Variants in BANK1 observed in about 807,000 individuals in gnomAD.
BANK1 encodes the protein B-cell scaffold protein with ankyrin repeats.
A neutral mutation model predicts 94.5 loss-of-function variants in BANK1; 95 were observed. The ratio of observed to expected loss-of-function variants is 1.00; its 90% CI spans 0.85 to 1.19. The LOEUF (loss-of-function observed/expected upper bound fraction) is 1.19. BANK1 is among the 50% of genes most tolerant of loss of function. The probability of loss-of-function intolerance (pLI) is 0.00; values close to 1 mark genes in which losing one functional copy is unlikely to be tolerated. For synonymous variants in BANK1, 334 were observed against 308.4 expected (o/e 1.08, Z -0.87); for missense variants, 987 against 932.2 (o/e 1.06, Z -0.77).
intron 7 of BANK1, among the ~76,000 whole-genome samples, chr4:102,013,821 T>A (rs1023652262): frequency 1.3e-5 from 2 of 152,052 alleles, no homozygotes; most frequent in East Asian, 3.9e-4. Context: ...CACAATTTGG[T>A]CATATTAAAA....
chr4:101,972,822 G>A (rs573730502), intron 7 of BANK1: 4 of 152,250 alleles, frequency 2.6e-5, no homozygotes, highest in African/African-American at 9.6e-5. Context: ...CATAAAGTAG[G>A]ATTGCCAGCA....
chr4:101,963,388 A>G (rs60391723), intron 7 of BANK1, among the ~76,000 whole-genome samples: 121 of 152,278 alleles, frequency 7.9e-4, no homozygotes, highest in African/African-American at 2.8e-3. Flanking sequence ...CAAGATATTT[A>G]TCTCTCCAAT....
intron 7 of BANK1, among the ~76,000 whole-genome samples, chr4:101,932,121 T>C (rs1723371419): frequency 6.6e-6 from 1 of 151,490 alleles, no homozygotes; most frequent in Non-Finnish European, 1.5e-5. Flanking sequence ...AGATGAATGT[T>C]AAATGCCTTG....
intron 7 of BANK1, among the ~76,000 whole-genome samples, chr4:101,962,245 T>C (rs1724594907): frequency 6.6e-6 from 1 of 152,164 alleles, no homozygotes; most frequent in Non-Finnish European, 1.5e-5. Flanking sequence ...CTTCAGACTC[T>C]CCATCTTAGC....
chr4:101,888,232 A>C (rs555223554), intron 5 of BANK1, among the ~76,000 whole-genome samples: 6 of 152,376 alleles, frequency 3.9e-5, no homozygotes, highest in Middle Eastern at 3.4e-3. Flanking sequence ...TGGAAGCTAG[A>C]AAGACCAGAT....
At chr4:101,876,721 A>G (rs1412530700) in intron 5 of BANK1, among the ~76,000 whole-genome samples, 1 of 152,242 alleles carries the variant, frequency 6.6e-6, no homozygotes. Context: ...CCAGGGACTA[A>G]TCATGAAGAA....
In BANK1 at chr4:101,941,901, C is replaced by T. The variant is rs547102012; in HGVS notation, c.1206+23712C>T. 9.0e-4 allele frequency among the ~76,000 whole-genome samples: 137 copies of T among 151,946 alleles called. 1 individual carries two copies. Among genetic ancestry groups the T allele is most frequent in the African/African-American group, 3.1e-3 (130 of 41,498 alleles). Reference sequence around the variant, plus strand: ...TTTTGTTGTTTTTATTACTGACCCTCATGATGATCCACTTGTGTGGGGTAA... The same window carrying T: ...TTTTGTTGTTTTTATTACTGACCCTTATGATGATCCACTTGTGTGGGGTAA... On this transcript the variant is annotated intron_variant, in intron 7 of 16. Transcript: ENST00000322953.
rs1560608078 is a variant in BANK1 at position 101,866,637 on chromosome 4, CCA to C, written c.764-3867_764-3866del. Among the ~76,000 whole-genome samples, 16 of 49,662 alleles carry C rather than the reference CCA, an allele frequency of 3.2e-4. 4 individuals carry two copies. The highest frequency in any genetic ancestry group is 7.1e-4 in the African/African-American group (5 of 7,014). 32.6% of individuals were successfully genotyped at this position (49,662 alleles called of 152,430 possible). A position where few individuals can be genotyped will look rare whatever the true frequency, so the allele number is the denominator to read the frequency against. ...CTGTAGAGAAATGAGTATAGGAATA[CCA>C]TTTGACCCAGCCATCCCATTACTGG... On this transcript the variant is annotated intron_variant, in intron 4 of 16. Coordinates refer to ENST00000322953, the MANE Select transcript of BANK1 (RefSeq NM_017935.5).
At chr4:101,848,353 C>T (rs903644663) in intron 2 of BANK1, among the ~76,000 whole-genome samples, 2 of 152,174 alleles carry the variant, frequency 1.3e-5, no homozygotes, top group Admixed American at 1.3e-4. Flanking sequence ...TGGAGTTGCA[C>T]TCTAGTCCTG....
intron 11 of BANK1, among the ~76,000 whole-genome samples, chr4:102,053,269 A>G (rs1286101329): frequency 6.6e-6 from 1 of 152,208 alleles, no homozygotes; most frequent in Non-Finnish European, 1.5e-5. Flanking sequence ...ATGCAGATTG[A>G]GTGGGCTCAC....
chr4:102,072,481 T>C (rs1728792493), intron 15 of BANK1, 81 bp downstream of exon 15: 4 of 1,087,566 alleles, frequency 3.7e-6, no homozygotes, highest in African/African-American at 1.6e-5. Flanking sequence ...TTCTATCCTG[T>C]CTATGCTTTT....
chr4:101,876,587 C>T (rs1345870154), intron 5 of BANK1, among the ~76,000 whole-genome samples: 1 of 152,186 alleles, frequency 6.6e-6, no homozygotes, highest in Non-Finnish European at 1.5e-5. Flanking sequence ...TGGATACAAA[C>T]AAGCCCAGAT....
intron 1 of BANK1, among the ~76,000 whole-genome samples, chr4:101,806,020 G>T (rs1219679890): frequency 6.6e-6 from 1 of 151,912 alleles, no homozygotes; most frequent in Non-Finnish European, 1.5e-5. Flanking sequence ...AGTGTGATTA[G>T]GGTCTAAAAG....
rs1343197093 is a variant in BANK1, at chr4:101,986,899, G to GTGTGTGTGTGTGTATA, written c.1207-34614_1207-34613insGTGTGTGTGTGTATAT. On this transcript the variant is annotated intron_variant, in intron 7 of 16. Coordinates refer to ENST00000322953, the MANE Select transcript of BANK1 (RefSeq NM_017935.5). The stretch of plus-strand genomic sequence containing the variant: ...TGTGTGTGTGTGTGTGTGTGTGTGT[G>GTGTGTGTGTGTGTATA]TATATATATATATATATATATATAT... 7.4e-4 allele frequency among the ~76,000 whole-genome samples: 61 copies of GTGTGTGTGTGTGTATA among 82,652 alleles called. 1 individual carries two copies. The highest frequency in any genetic ancestry group is 1.3e-3 in the Admixed American group (10 of 8,000). 54.2% of individuals were successfully genotyped at this position (82,652 alleles called of 152,430 possible). A position where few individuals can be genotyped will look rare whatever the true frequency, so the allele number is the denominator to read the frequency against.
intron 11 of BANK1, among the ~76,000 whole-genome samples, chr4:102,049,812 C>T (rs1039965799): frequency 5.3e-5 from 8 of 152,130 alleles, no homozygotes; most frequent in Admixed American, 3.3e-4. Context: ...GGCAAGTGGG[C>T]GCAAGCATGT....
chr4:101,810,818 A>G (rs1230174908), intron 1 of BANK1, among the ~76,000 whole-genome samples: 2 of 152,202 alleles, frequency 1.3e-5, no homozygotes, highest in African/African-American at 2.4e-5. Context: ...GTTAAAGTAA[A>G]TTAATGCTTA....
In BANK1 at chr4:102,022,138, G is replaced by A. The variant is rs752485730; in HGVS notation, c.1285+546G>A. 6.6e-4 allele frequency among the ~76,000 whole-genome samples: 100 copies of A among 151,692 alleles called. 1 individual carries two copies. Among genetic ancestry groups the A allele is most frequent in the South Asian group, 4.2e-4 (2 of 4,804 alleles). On this transcript the variant is annotated intron_variant, in intron 8 of 16. Transcript: ENST00000322953. The stretch of plus-strand genomic sequence containing the variant: ...TATATATACGCGTTTATATGTGTAC[G>A]TAAACTCCACCCATTATGCCAGGCT...
chr4:101,966,522 G>A (rs1724764710), intron 7 of BANK1, among the ~76,000 whole-genome samples: 1 of 151,954 alleles, frequency 6.6e-6, no homozygotes, highest in African/African-American at 2.4e-5. Flanking sequence ...TTCTAAAAGG[G>A]TAAAGAGGAA....
intron 10 of BANK1, among the ~76,000 whole-genome samples, chr4:102,040,248 T>C (rs1385439963): frequency 6.6e-6 from 1 of 152,106 alleles, no homozygotes; most frequent in African/African-American, 2.4e-5. Flanking sequence ...ATTTTGAATA[T>C]TTAATGATAT....
Sources: allele counts gnomAD v4.1 joint callset (sites outside exome capture counted in the v4.1 genomes callset), GRCh38; gene constraint gnomAD v4.1.1; transcripts MANE v1.5; gene names NCBI Gene and HGNC (gene_info 2026-07-23, HGNC 2026-07-21).